The following ARID2 variants were observed in gnomAD, a reference collection of about 807,000 sequenced individuals.
The protein encoded by ARID2 is AT-rich interaction domain 2.
Under a neutral mutation model 184.6 loss-of-function variants are expected in ARID2, and 32 were observed. The observed-to-expected ratio is 0.17, with a 90% confidence interval of 0.13 to 0.23. ARID2 has a LOEUF of 0.23. ARID2 is among the 10% of genes least tolerant of loss of function. ARID2 has a pLI of 1.00. For missense variants in ARID2, 1,696 were observed against 2,197.6 expected (o/e 0.77, Z 4.56); for synonymous variants, 836 against 772.6 (o/e 1.08, Z -1.36).
chr12:45,856,177 C>T (rs779469844), intron 15 of ARID2, among the ~76,000 whole-genome samples: 10 of 142,880 alleles, frequency 7.0e-5, no homozygotes, highest in Non-Finnish European at 1.2e-4. Context: ...CGGGTTCAAG[C>T]GATTCTTCCA....
intron 11 of ARID2, chr12:45,840,308 G>C (rs977216911): frequency 6.6e-6 from 1 of 152,002 alleles, no homozygotes; most frequent in Non-Finnish European, 1.5e-5. Flanking sequence ...GTTCTCAATT[G>C]ATCTTAATTC....
intron 16 of ARID2, among the ~76,000 whole-genome samples, chr12:45,888,672 T>G (rs1406025242): frequency 6.6e-6 from 1 of 152,180 alleles, no homozygotes; most frequent in Non-Finnish European, 1.5e-5. Context: ...CAAATAGATT[T>G]ATACATATCA....
chr12:45,769,853 A>G (rs1239994675), intron 3 of ARID2, among the ~76,000 whole-genome samples: 1 of 152,202 alleles, frequency 6.6e-6, no homozygotes, highest in Non-Finnish European at 1.5e-5. Flanking sequence ...TTCTTATCAG[A>G]AAGAATGGAG....
At chr12:45,891,988 C>G (rs2138233006) in intron 17 of ARID2, 23 bp from the exon 18 acceptor site, 1 of 1,614,060 alleles carries the variant, frequency 6.2e-7, no homozygotes, top group Non-Finnish European at 8.5e-7. Flanking sequence ...GTGCCATTCT[C>G]TTGCTTCCTC....
At chr12:45,744,623 A>G (rs1299168443) in intron 3 of ARID2, among the ~76,000 whole-genome samples, 2 of 152,086 alleles carry the variant, frequency 1.3e-5, no homozygotes, top group African/African-American at 4.8e-5. Context: ...CATTGATTAC[A>G]TTACTTGATA....
intron 6 of ARID2, among the ~76,000 whole-genome samples, chr12:45,827,192 G>A (rs1943019632): frequency 6.6e-6 from 1 of 151,570 alleles, no homozygotes; most frequent in Non-Finnish European, 1.5e-5. Flanking sequence ...CATCTTAACT[G>A]AATTTTGTGG....
chr12:45,891,569 G>A (rs1944302520), intron 16 of ARID2, among the ~76,000 whole-genome samples: 1 of 152,156 alleles, frequency 6.6e-6, no homozygotes, highest in African/African-American at 2.4e-5. Flanking sequence ...GTTCTATGGT[G>A]TTTTTAATGA....
At chr12:45,811,980 A>T (rs1942717847) in intron 4 of ARID2, among the ~76,000 whole-genome samples, 2 of 152,054 alleles carry the variant, frequency 1.3e-5, no homozygotes, top group African/African-American at 4.8e-5. Flanking sequence ...CTGCCATGGT[A>T]GCAGGAAGAT....
At chr12:45,758,787 G>A (rs1941618776) in intron 3 of ARID2, among the ~76,000 whole-genome samples, 1 of 152,128 alleles carries the variant, frequency 6.6e-6, no homozygotes, top group Admixed American at 6.6e-5. Flanking sequence ...GAGAGAAGAA[G>A]CACTTTTTCT....
intron 4 of ARID2, 25 bp from the exon 5 acceptor site, chr12:45,817,643 ACT>A: frequency 6.4e-7 from 1 of 1,563,946 alleles, no homozygotes; most frequent in Non-Finnish European, 8.7e-7. Flanking sequence ...TCTTTGATAT[ACT>A]TAAGGTATTT....
At chr12:45,771,705 T>C (rs1328202691) in intron 3 of ARID2, among the ~76,000 whole-genome samples, 1 of 151,608 alleles carries the variant, frequency 6.6e-6, no homozygotes, top group African/African-American at 2.4e-5. Flanking sequence ...TATATATATA[T>C]ATATAGTCTT....
At chr12:45,761,998 G>A (rs2138010687) in intron 3 of ARID2, among the ~76,000 whole-genome samples, 1 of 151,850 alleles carries the variant, frequency 6.6e-6, no homozygotes, top group Non-Finnish European at 1.5e-5. Context: ...ATTCTTCATT[G>A]CAATAATTAT....
intron 16 of ARID2, among the ~76,000 whole-genome samples, chr12:45,863,114 G>T (rs560087509): frequency 6.6e-6 from 1 of 152,292 alleles, no homozygotes; most frequent in South Asian, 2.1e-4. Context: ...CAACATATTG[G>T]ACAATTTAAC....
intron 3 of ARID2, among the ~76,000 whole-genome samples, chr12:45,795,658 G>T (rs893832970): frequency 6.6e-6 from 1 of 151,910 alleles, no homozygotes. Context: ...GGATGGTCTC[G>T]ATCTCCTGAC....
In ARID2 at chr12:45,850,563, A is replaced by G. The variant is rs148307427; in HGVS notation, c.2440A>G (p.Thr814Ala). 100 of 1,614,112 alleles carry G rather than the reference A, an allele frequency of 6.2e-5. No individual in the cohort carries two copies. In the African/African-American group the frequency reaches 8.3e-4, roughly 13 times the overall value. The change falls in exon 15 of 21, where the codon ACA becomes GCA. Residue 814 changes from threonine to alanine, a missense_variant. Transcript: ENST00000334344. ...RVQNIPACTS[T>A]VSQGQQLITT... ...ACAGAACATACCAGCATGTACTTCT[A>G]CAGTTTCACAGGGTCAACAGTTAAT... is the stretch of plus-strand genomic sequence containing the variant.
chr12:45,756,394 T>C (rs1941573084), intron 3 of ARID2, among the ~76,000 whole-genome samples: 1 of 152,214 alleles, frequency 6.6e-6, no homozygotes, highest in South Asian at 2.1e-4. Context: ...GAATCTTATT[T>C]TAACATTAAG....
At chr12:45,808,474 T>C (rs1334272535) in intron 3 of ARID2, among the ~76,000 whole-genome samples, 1 of 152,142 alleles carries the variant, frequency 6.6e-6, no homozygotes, top group Admixed American at 6.5e-5. Context: ...GTGCAAAGAA[T>C]CTGTTTGGAA....
At chr12:45,835,491 T>A (rs1943202238) in intron 6 of ARID2, among the ~76,000 whole-genome samples, 1 of 148,674 alleles carries the variant, frequency 6.7e-6, no homozygotes, top group African/African-American at 2.4e-5. Flanking sequence ...GCCTAAGAAC[T>A]TTGATTCCAA....
chr12:45,891,502 A>C (rs534980494), intron 16 of ARID2, among the ~76,000 whole-genome samples: 23 of 152,214 alleles, frequency 1.5e-4, no homozygotes, highest in Non-Finnish European at 3.1e-4. Flanking sequence ...AAATCTAGTA[A>C]ATGCTTGAGA....
Sources: gnomAD v4.1 joint callset for allele counts (sites outside exome capture counted in the v4.1 genomes callset) on GRCh38, gnomAD v4.1.1 for gene constraint, MANE v1.5 for transcripts, NCBI Gene and HGNC (gene_info 2026-07-23, HGNC 2026-07-21) for gene names.